The following TRAPPC8 variants were observed in gnomAD, a reference collection of about 807,000 sequenced individuals.
TRAPPC8 encodes the protein general sporulation gene 1 homolog.
In TRAPPC8, 54 loss-of-function variants were observed where a neutral mutation model predicts 174.3. The observed-to-expected ratio is 0.31, with a 90% CI of 0.25 to 0.39. The LOEUF (loss-of-function observed/expected upper bound fraction) is 0.39. Among genes scored for constraint, TRAPPC8 ranks in the 10% least tolerant of loss-of-function variants. The probability of loss-of-function intolerance (pLI) is 1.00; values close to 1 mark genes in which losing one functional copy is unlikely to be tolerated. For synonymous variants in TRAPPC8, 630 were observed against 579.9 expected, an observed-to-expected ratio of 1.09 and a Z score of -1.24; for missense variants, 1,531 against 1,699.1, an observed-to-expected ratio of 0.90 and a Z score of 1.74.
At chr18:31,852,294 T>C in intron 24 of TRAPPC8, 152 bp downstream of exon 24, 1 of 756,784 alleles carries the variant, frequency 1.3e-6, no homozygotes, top group Admixed American at 2.8e-5. Context: ...TGAGCTGTGA[T>C]CACGCCACTG....
chr18:31,874,831 G>A (rs2035064721), intron 12 of TRAPPC8, 127 bp from the exon 13 acceptor site: 5 of 722,536 alleles, frequency 6.9e-6, no homozygotes, highest in Non-Finnish European at 2.2e-6. Context: ...CTGGGATAAT[G>A]AAGAAAATAA....
intron 10 of TRAPPC8, among the ~76,000 whole-genome samples, chr18:31,900,608 T>C (rs1349289455): frequency 6.6e-6 from 1 of 152,180 alleles, no homozygotes; most frequent in Admixed American, 6.5e-5. Context: ...ACTATTTGTG[T>C]TTTGCCTATT....
At chr18:31,838,040 G>A in intron 27 of TRAPPC8, among the ~76,000 whole-genome samples, 1 of 150,962 alleles carries the variant, frequency 6.6e-6, no homozygotes, top group East Asian at 1.9e-4. Flanking sequence ...TGCAAACATA[G>A]CTGACCGTAG....
Position 31,908,822 on chromosome 18 carries a change from T to G in TRAPPC8, c.1054A>C (p.Ile352Leu). ...AGGCCCCGAAATGTGAACTCTTGTA[T>G]AAACTGTCGAATTCTATCATGATCA... ...LTDHDRIRQFIQEFTFRGLLP... is the reference protein window; with the variant it reads ...LTDHDRIRQFLQEFTFRGLLP... Residue 352 changes from isoleucine (I) to leucine (L), a missense_variant, in exon 7 of 29, where the codon ATA (isoleucine) becomes CTA (leucine). By Grantham distance (5) the Ile-to-Leu change is conservative. Coordinates refer to ENST00000283351, the MANE Select transcript of TRAPPC8 (RefSeq NM_014939.5). 9 of 1,613,750 alleles carry G rather than the reference T, an allele frequency of 5.6e-6. No homozygotes were observed. Among genetic ancestry groups the G allele is most frequent in the Non-Finnish European group, 7.6e-6 (9 of 1,179,746 alleles).
intron 12 of TRAPPC8, among the ~76,000 whole-genome samples, chr18:31,884,015 C>T (rs979917781): frequency 4.6e-5 from 7 of 152,048 alleles, no homozygotes; most frequent in Non-Finnish European, 7.4e-5. Flanking sequence ...ATGGTGAAAC[C>T]CCATCTCTAT....
At chr18:31,909,530 G>C in intron 6 of TRAPPC8, 137 bp downstream of exon 6, 1 of 1,383,926 alleles carries the variant, frequency 7.2e-7, no homozygotes, top group African/African-American at 1.5e-5. Context: ...AAAATCTTCA[G>C]AAGAAAAACT....
intron 14 of TRAPPC8, among the ~76,000 whole-genome samples, chr18:31,872,675 T>A (rs1284447550): frequency 6.6e-6 from 1 of 152,094 alleles, no homozygotes; most frequent in Non-Finnish European, 1.5e-5. Flanking sequence ...CGTCTTGGCC[T>A]CCCAAAGTGC....
chr18:31,924,738 C>CAAAAAAAAA (rs398032376), intron 2 of TRAPPC8, among the ~76,000 whole-genome samples: 2 of 91,888 alleles, frequency 2.2e-5, no homozygotes, highest in African/African-American at 8.7e-5. Flanking sequence ...AACTCCGTCT[C>CAAAAAAAAA]AAAAAAAAAA....
chr18:31,909,709 T>C lies in TRAPPC8; in HGVS notation c.823A>G (p.Asn275Asp), dbSNP rs753255180. 1.2e-6 allele frequency: 2 copies of C among 1,601,342 alleles called. No homozygotes were observed. Among genetic ancestry groups the C allele is most frequent in the Non-Finnish European group, 1.7e-6 (2 of 1,176,570 alleles). ...CTITSNKNSD[N>D]NLLSLDGLDN... ...AATCCATCCAATGAAAGCAAGTTAT[T>C]ATCAGAATTCTTATTTGAAGTTATA... The change falls in exon 6 of 29, where the codon AAT (asparagine) becomes GAT (aspartate). Residue 275 changes from asparagine to aspartate, a missense_variant. Transcript: ENST00000283351.
Position 31,931,325 on chromosome 18 carries a change from A to G in TRAPPC8, c.352+4T>C, listed in dbSNP as rs1370594250. On this transcript the variant is annotated splice_donor_region_variant and intron_variant, in intron 2 of 28. Transcript: ENST00000283351. Reference sequence around the variant, plus strand: ...AAAAAATAACAATAAACCTTGTTACATACCACTGATGTTAAGGTCATAATC... The same window carrying G: ...AAAAAATAACAATAAACCTTGTTACGTACCACTGATGTTAAGGTCATAATC... 1.3e-6 allele frequency: 2 copies of G among 1,539,214 alleles called. No individual in the cohort carries two copies. The highest frequency in any genetic ancestry group is 1.7e-4 in the Middle Eastern group (1 of 5,738).
intron 1 of TRAPPC8, among the ~76,000 whole-genome samples, chr18:31,935,548 T>TAA (rs10650702): frequency 0.3 from 13,862 of 46,442 alleles, 3,060 homozygotes; most frequent in East Asian, 0.63. Context: ...AACTCCATCT[T>TAA]AAAAAAAAAA....
intron 1 of TRAPPC8, among the ~76,000 whole-genome samples, chr18:31,932,298 G>A (rs62093901): frequency 0.25 from 38,160 of 151,760 alleles, 5,355 homozygotes; most frequent in South Asian, 0.52. Flanking sequence ...ATGGTGGCGG[G>A]TGCCTGTAAT....
chr18:31,934,322 AG>A (rs2037985985), intron 1 of TRAPPC8, among the ~76,000 whole-genome samples: 1 of 152,136 alleles, frequency 6.6e-6, no homozygotes, highest in African/African-American at 2.4e-5. Context: ...TTTTTTTAAA[AG>A]AAAAGATAAA....
chr18:31,832,889 AAAG>A (rs1190885439), intron 27 of TRAPPC8, among the ~76,000 whole-genome samples: 4 of 152,230 alleles, frequency 2.6e-5, no homozygotes, highest in Admixed American at 2.6e-4. Flanking sequence ...CAAAGATAGT[AAAG>A]AAGAAAAAAT....
At chr18:31,846,037 G>T (rs2033384768) in intron 26 of TRAPPC8, among the ~76,000 whole-genome samples, 1 of 152,088 alleles carries the variant, frequency 6.6e-6, no homozygotes, top group African/African-American at 2.4e-5. Context: ...GCTCTGCAAT[G>T]ATATCCTGTT....
At chr18:31,839,563 T>A in intron 26 of TRAPPC8, 106 bp from the exon 27 acceptor site, 1 of 1,038,378 alleles carries the variant, frequency 9.6e-7, no homozygotes, top group Non-Finnish European at 1.3e-6. Context: ...AGAGATAATG[T>A]AATGCATGAA....
chr18:31,907,582 T>G lies in TRAPPC8; in HGVS notation c.1267A>C (p.Ile423Leu). The G allele has an allele frequency of 1.9e-6, 3 of 1,611,148 alleles. No homozygotes were observed. The highest frequency in any genetic ancestry group is 2.5e-6 in the Non-Finnish European group (3 of 1,178,298). ...LYPPEAPELQIRKMADLCFLV... is the reference protein window; with the variant it reads ...LYPPEAPELQLRKMADLCFLV... ...AAACATAAGTCAGCCATTTTCCTGATTTGAAGTTCTGGTGCTTCCGGCGGA... is the reference window on the plus strand; with the variant it reads ...AAACATAAGTCAGCCATTTTCCTGAGTTGAAGTTCTGGTGCTTCCGGCGGA... Residue 423 changes from isoleucine (I) to leucine (L), a missense_variant, in exon 9 of 29, where the codon ATC (isoleucine) becomes CTC (leucine). By Grantham distance (5) the Ile-to-Leu change is conservative (BLOSUM62 2). Transcript: ENST00000283351.
chr18:31,910,720 T>C (rs544044031), intron 5 of TRAPPC8, among the ~76,000 whole-genome samples: 13 of 152,332 alleles, frequency 8.5e-5, no homozygotes, highest in African/African-American at 3.1e-4. Flanking sequence ...AGATCAAGCA[T>C]TGGATGTAAA....
At chr18:31,861,804 T>C (rs2034335606) in intron 19 of TRAPPC8, among the ~76,000 whole-genome samples, 1 of 151,356 alleles carries the variant, frequency 6.6e-6, no homozygotes, top group Non-Finnish European at 1.5e-5. Context: ...CCAGGTGTGG[T>C]GGCATCCACC....
Sources: allele counts gnomAD v4.1 joint callset (sites outside exome capture counted in the v4.1 genomes callset), GRCh38; gene constraint gnomAD v4.1.1; transcripts MANE v1.5; gene names NCBI Gene and HGNC (gene_info 2026-07-23, HGNC 2026-07-21).